AIDA: variants seen among roughly 807,000 people sequenced by gnomAD.
AIDA encodes axin interactor, dorsalization-associated protein.
In AIDA, 18 loss-of-function variants were observed where a neutral mutation model predicts 42.7. The ratio of observed to expected loss-of-function variants is 0.42; its 90% CI spans 0.29 to 0.63. The LOEUF is 0.63. Ranked by LOEUF, AIDA falls within the 20% of genes least tolerant of loss-of-function variation. AIDA has a pLI of 0.19. For missense variants in AIDA, 250 were observed against 354.1 expected, an observed-to-expected ratio of 0.71 and a Z score of 2.36; for synonymous variants, 104 against 122.9, an observed-to-expected ratio of 0.85 and a Z score of 1.02.
At chr1:222,687,072 C>T in intron 5 of AIDA, 36 bp from the exon 6 acceptor site, 1 of 1,600,862 alleles carries the variant, frequency 6.2e-7, no homozygotes, top group Non-Finnish European at 8.5e-7. Flanking sequence ...CAACAAACTG[C>T]AAAACTAAAT....
intron 1 of AIDA, among the ~76,000 whole-genome samples, chr1:222,705,350 A>C (rs1041732481): frequency 6.6e-6 from 1 of 152,170 alleles, no homozygotes; most frequent in Non-Finnish European, 1.5e-5. Context: ...TACCACCTAC[A>C]TGGAGTACTC....
chr1:222,712,153 G>C (rs1656090749), intron 1 of AIDA, 55 bp downstream of exon 1: 1 of 1,551,752 alleles, frequency 6.4e-7, no homozygotes, highest in Non-Finnish European at 8.7e-7. Flanking sequence ...ACAGAAACAA[G>C]GGAGAGGCGC....
chr1:222,698,930 A>G (rs1655600336), intron 2 of AIDA, among the ~76,000 whole-genome samples: 3 of 151,914 alleles, frequency 2.0e-5, no homozygotes, highest in Non-Finnish European at 4.4e-5. Flanking sequence ...GGTTCATGCC[A>G]TTGTTCTGCC....
intron 6 of AIDA, among the ~76,000 whole-genome samples, chr1:222,676,763 C>G (rs974334626): frequency 7.2e-5 from 11 of 152,016 alleles, no homozygotes; most frequent in Non-Finnish European, 1.6e-4. Flanking sequence ...TCAAGCGATC[C>G]TCCCACCTCA....
intron 2 of AIDA, among the ~76,000 whole-genome samples, chr1:222,697,210 T>C (rs1178745243): frequency 6.6e-6 from 1 of 151,890 alleles, no homozygotes; most frequent in East Asian, 1.9e-4. Flanking sequence ...CCCAAAGTAC[T>C]GGGATTACAG....
chr1:222,688,550 A>AT (rs569053968), intron 4 of AIDA, among the ~76,000 whole-genome samples: 1 of 151,944 alleles, frequency 6.6e-6, no homozygotes, highest in Non-Finnish European at 1.5e-5. Flanking sequence ...TACTTACTAC[A>AT]TTTTTTGTCA....
intron 4 of AIDA, among the ~76,000 whole-genome samples, chr1:222,689,028 C>T (rs190498361): frequency 1.0e-3 from 155 of 151,814 alleles, no homozygotes; most frequent in African/African-American, 3.2e-3. Context: ...ATCCTGACCC[C>T]GTGTAGGCCT....
intron 8 of AIDA, among the ~76,000 whole-genome samples, chr1:222,671,573 T>A (rs1445582827): frequency 2.0e-5 from 3 of 152,116 alleles, no homozygotes; most frequent in Non-Finnish European, 4.4e-5. Flanking sequence ...TGGGTCCAAA[T>A]GGACCACATC....
chr1:222,682,417 T>C (rs1440742804), intron 6 of AIDA, among the ~76,000 whole-genome samples: 1 of 152,220 alleles, frequency 6.6e-6, no homozygotes, highest in Admixed American at 6.5e-5. Context: ...TAGATGCTTG[T>C]CACAGGCACT....
In AIDA at chr1:222,699,336, A is replaced by G. The variant is rs146433310; in HGVS notation, c.180+3812T>C. Among the ~76,000 whole-genome samples, 226 of 152,294 alleles carry G rather than the reference A, an allele frequency of 1.5e-3. 6 individuals carry two copies. The South Asian group carries it at 0.021, about 14-fold the overall frequency. On this transcript the variant is annotated intron_variant, in intron 2 of 9. Coordinates refer to ENST00000340020, the MANE Select transcript of AIDA (RefSeq NM_022831.4). ...ATTTTCCTCTTTTGAAGAAAACACA[A>G]TTGAGTTTTTTCTCCTTTGGCTTGC...
intron 6 of AIDA, among the ~76,000 whole-genome samples, chr1:222,679,977 G>A (rs1320145714): frequency 6.6e-6 from 1 of 152,200 alleles, no homozygotes; most frequent in Non-Finnish European, 1.5e-5. Context: ...GGGTTCTGTG[G>A]AATCCCAGGG....
chr1:222,679,617 C>A (rs1664618052), intron 6 of AIDA, among the ~76,000 whole-genome samples: 1 of 152,192 alleles, frequency 6.6e-6, no homozygotes, highest in Non-Finnish European at 1.5e-5. Context: ...CAAGGTGTCC[C>A]ATTTTTTCAG....
At chr1:222,703,020 C>A (rs1655749568) in intron 2 of AIDA, 128 bp downstream of exon 2, 1 of 642,432 alleles carries the variant, frequency 1.6e-6, no homozygotes, top group Non-Finnish European at 2.6e-6. Flanking sequence ...TAATCAATAT[C>A]ATTCTTTTTA....
intron 1 of AIDA, 136 bp from the exon 2 acceptor site, chr1:222,703,353 A>T (rs890930250): frequency 3.6e-6 from 2 of 557,994 alleles, no homozygotes; most frequent in Non-Finnish European, 5.9e-6. Context: ...ATTGAGAACC[A>T]AATTCTTCTC....
At chr1:222,708,253 G>A (rs1051981639) in intron 1 of AIDA, among the ~76,000 whole-genome samples, 3 of 151,816 alleles carry the variant, frequency 2.0e-5, no homozygotes, top group South Asian at 2.1e-4. Context: ...GGAGGTTGCA[G>A]TGAGCCGAAA....
chr1:222,694,391 G>C (rs1655458992), intron 2 of AIDA, 128 bp from the exon 3 acceptor site: 2 of 820,706 alleles, frequency 2.4e-6, no homozygotes, highest in South Asian at 3.5e-5. Flanking sequence ...TTTCTTTCTA[G>C]CATCTTTCAG....
At chr1:222,670,109 T>A in intron 9 of AIDA, 24 bp downstream of exon 9, 1 of 1,610,102 alleles carries the variant, frequency 6.2e-7, no homozygotes, top group Non-Finnish European at 8.5e-7. Context: ...AAATTAGTAC[T>A]AATTCTATAT....
chr1:222,679,568 C>T (rs140549433), intron 6 of AIDA, among the ~76,000 whole-genome samples: 67 of 152,298 alleles, frequency 4.4e-4, no homozygotes, highest in African/African-American at 1.6e-3. Context: ...TTTAATCCTC[C>T]CAACAACCCT....
intron 4 of AIDA, among the ~76,000 whole-genome samples, chr1:222,688,798 C>T (rs1195215378): frequency 2.6e-5 from 4 of 152,026 alleles, no homozygotes; most frequent in Non-Finnish European, 5.9e-5. Context: ...GGAGTTTTGC[C>T]ATGTTGGCCA....
Sources: gnomAD v4.1 joint callset for allele counts (sites outside exome capture counted in the v4.1 genomes callset) on GRCh38, gnomAD v4.1.1 for gene constraint, MANE v1.5 for transcripts, NCBI Gene and HGNC (gene_info 2026-07-23, HGNC 2026-07-21) for gene names.